Variants in HYI observed in about 807,000 individuals in gnomAD.
HYI encodes the protein hydroxypyruvate isomerase (putative).
Under a neutral mutation model 39.7 loss-of-function variants are expected in HYI, and 47 were observed. That is an observed-to-expected ratio of 1.18 (90% CI 0.94 to 1.51). HYI has a LOEUF of 1.51. Ranked by LOEUF, HYI falls within the 40% of genes most tolerant of loss-of-function variation. The pLI is 0.00. For synonymous variants in HYI, 186 were observed against 158.8 expected (o/e 1.17, Z -1.29); for missense variants, 465 against 370.3 (o/e 1.26, Z -2.10).
chr1:43,453,068 G>A (rs1445092090), intron 2 of HYI: 1 of 956,890 alleles, frequency 1.0e-6, no homozygotes, highest in Non-Finnish European at 1.7e-6. Context: ...AGGGTTAGGT[G>A]CCTACCCTGC....
intron 3 of HYI, 67 bp from the exon 4 acceptor site, chr1:43,452,080 G>A: frequency 6.5e-7 from 1 of 1,538,940 alleles, no homozygotes; most frequent in Non-Finnish European, 8.9e-7. Flanking sequence ...GTCAGTCACT[G>A]GTCAAGGCCC....
rs753698786 is a variant in HYI at position 43,453,748 on chromosome 1, C to T, written c.46G>A (p.Glu16Lys). Residue 16 changes from glutamate (E) to lysine (K), a missense_variant, in exon 1 of 8, where the codon GAG (glutamate) becomes AAG (lysine). By Grantham distance (56) the Glu-to-Lys change is moderately conservative (BLOSUM62 1). Transcript: ENST00000372430. Reference sequence around the variant, plus strand: ...ACCCGCGCGGGGAGGCCGGAGAGCTCGGGGAATAGCCAGGACAGATTGGCG... The same window carrying T: ...ACCCGCGCGGGGAGGCCGGAGAGCTTGGGGAATAGCCAGGACAGATTGGCG... ...FSANLSWLFPELSGLPARVRA... is the reference protein window; with the variant it reads ...FSANLSWLFPKLSGLPARVRA... The T allele has an allele frequency of 1.4e-6, 2 of 1,381,798 alleles. No individual in the cohort carries two copies. Among genetic ancestry groups the T allele is most frequent in the Non-Finnish European group, 9.3e-7 (1 of 1,079,806 alleles). The allele number at this position is 1,381,798 out of a possible 1,614,324, so 85.6% of individuals were successfully genotyped here.
In HYI at chr1:43,451,096, G is replaced by T; in HGVS notation, c.*142C>A. The T allele has an allele frequency of 1.1e-6, 1 of 887,152 alleles. No homozygotes were observed. The highest frequency in any genetic ancestry group is 1.9e-6 in the Non-Finnish European group (1 of 530,238). 55.0% of individuals were successfully genotyped at this position (887,152 alleles called of 1,614,324 possible). A position where few individuals can be genotyped will look rare whatever the true frequency, so the allele number is the denominator to read the frequency against. On this transcript the variant is annotated 3_prime_UTR_variant, in exon 8 of 8. Coordinates refer to ENST00000372430, the MANE Select transcript of HYI (RefSeq NM_001190880.3). ...GCTTCTCAATGGGAGGGAAGCAGCA[G>T]AGAAACTGAAGTGTTAGACACTATG...
Position 43,453,434 on chromosome 1 carries a change from T to G in HYI, c.263A>C (p.Glu88Ala). Reference sequence around the variant, plus strand: ...ATACCGCACGGCCTGCTCCAGTCCCTCTCGGAAGGCCGCCTGTCTCCCGGG... The same window carrying G: ...ATACCGCACGGCCTGCTCCAGTCCCGCTCGGAAGGCCGCCTGTCTCCCGGG... ...AVPGRQAAFR[E>A]GLEQAVRYAK... The change falls in exon 2 of 8, where the codon GAG becomes GCG. Residue 88 changes from glutamate (E) to alanine (A), a missense_variant. By Grantham distance (107) the Glu-to-Ala change is moderately radical. Transcript: ENST00000372430. The G allele has an allele frequency of 6.4e-7, 1 of 1,562,822 alleles. No homozygotes were observed. Among genetic ancestry groups the G allele is most frequent in the Non-Finnish European group, 8.7e-7 (1 of 1,152,616 alleles).
At chr1:43,452,899 A>G (rs1218524631) in intron 2 of HYI, 2 of 1,597,560 alleles carry the variant, frequency 1.3e-6, no homozygotes, top group Non-Finnish European at 1.7e-6. Flanking sequence ...AACAGGCTAC[A>G]TACATGTCCA....
Position 43,453,900 on chromosome 1 carries a change from A to G in HYI, c.-107T>C. On this transcript the variant is annotated 5_prime_UTR_variant, in exon 1 of 8. Transcript: ENST00000372430. The stretch of plus-strand genomic sequence containing the variant: ...GCTCTCCTTGCTGGCCCTGCGAACG[A>G]ACGAGCACTGTTCGTGGTTAGAAAA... The G allele has an allele frequency of 4.1e-6, 5 of 1,216,792 alleles. No individual in the cohort carries two copies. In the African/African-American group the frequency reaches 7.9e-5, roughly 19 times the overall value. The allele number at this position is 1,216,792 out of a possible 1,614,324, so 75.4% of individuals were successfully genotyped here.
At chr1:43,452,174 G>A in intron 3 of HYI, 31 bp downstream of exon 3, 1 of 1,563,740 alleles carries the variant, frequency 6.4e-7, no homozygotes, top group East Asian at 2.3e-5. Context: ...ACAGAGACAT[G>A]TAAGTACGTG....
In HYI at chr1:43,453,559, CCCCAGCCCT is replaced by C. The variant is rs745737962; in HGVS notation, c.199+27_199+35del. On this transcript the variant is annotated intron_variant, in intron 1 of 7. Transcript: ENST00000372430. Reference sequence around the variant, plus strand: ...ACTCCCCTGCCCGCGCCCCGGCACCCCCCAGCCCTCCCAGCCCTCCCGGCCCGCGACGCA... The same window carrying C: ...ACTCCCCTGCCCGCGCCCCGGCACCCCCCAGCCCTCCCGGCCCGCGACGCA... 2.4e-4 allele frequency: 372 copies of C among 1,519,598 alleles called. 1 individual carries two copies. The highest frequency in any genetic ancestry group is 9.1e-4 in the South Asian group (72 of 79,148). The allele number at this position is 1,519,598 out of a possible 1,614,324, so 94.1% of individuals were successfully genotyped here.
At chr1:43,450,678 C>T (rs1656287975), downstream of HYI, 3 of 797,178 alleles carry the variant, frequency 3.8e-6, no homozygotes, top group Non-Finnish European at 6.0e-6. This position sits in a 1 kb window ranked among gnomAD's most constrained non-coding sequence, Gnocchi z 4.3. Flanking sequence ...CAAACACCCA[C>T]AGCCACTGAC....
rs1204028693 is a variant in HYI at position 43,453,715 on chromosome 1, C to A, written c.79G>T (p.Ala27Ser). 1 of 1,398,524 alleles carries A rather than the reference C, an allele frequency of 7.2e-7. No individual in the cohort carries two copies. The highest frequency in any genetic ancestry group is 9.2e-7 in the Non-Finnish European group (1 of 1,087,018). 86.6% of individuals were successfully genotyped at this position (1,398,524 alleles called of 1,614,324 possible). Residue 27 changes from alanine (A) to serine (S), a missense_variant, in exon 1 of 8, where the codon GCG becomes TCG. By Grantham distance (99) the Ala-to-Ser change is moderately conservative. Coordinates refer to ENST00000372430, the MANE Select transcript of HYI (RefSeq NM_001190880.3). ...LSGLPARVRA[A>S]GSSGFEAVEV... ...ACGGCCTCGAAGCCCGAGCTGCCCG[C>A]GGCCCGCACCCGCGCGGGGAGGCCG...
Position 43,451,281 on chromosome 1 carries a change from C to CG in HYI, c.790dup (p.Arg264ProfsTer6). On this transcript the variant is annotated frameshift_variant, in exon 8 of 8. Transcript: ENST00000372430. LOFTEE classifies it high-confidence loss of function. Reference sequence around the variant, plus strand: ...GTGGCCCCGCCTATCCCAGTATGAACGTAGCCAACTCAAGCCCTCTACTGT... The same window carrying CG: ...GTGGCCCCGCCTATCCCAGTATGAACGGTAGCCAACTCAAGCCCTCTACTGT... 6.2e-7 allele frequency: 1 copy of CG among 1,614,098 alleles called. No homozygotes were observed. Among genetic ancestry groups the CG allele is most frequent in the Non-Finnish European group, 8.5e-7 (1 of 1,180,034 alleles).
chr1:43,451,610 G>A, intron 6 of HYI, 38 bp downstream of exon 6: 1 of 1,613,994 alleles, frequency 6.2e-7, no homozygotes, highest in East Asian at 2.2e-5. Flanking sequence ...CAGATGTGGG[G>A]ATTGAAAGGG....
At position 43,452,148 on chromosome 1, in the gene HYI, C is replaced by G. The variant is rs939505345; in HGVS notation, c.426+57G>C. On this transcript the variant is annotated intron_variant, in intron 3 of 7. Transcript: ENST00000372430. ...CACGTGCTGTCCCCACTGTGCACCC[C>G]CTTCTCCGCACACCCACAGAGACAT... is the stretch of plus-strand genomic sequence containing the variant. 7.9e-6 allele frequency: 12 copies of G among 1,515,778 alleles called. No homozygotes were observed. The Admixed American group carries it at 1.1e-4, about 14-fold the overall frequency. 93.9% of individuals were successfully genotyped at this position (1,515,778 alleles called of 1,614,324 possible).
In HYI at chr1:43,451,180, AGAG is replaced by A. The variant is rs903796248; in HGVS notation, c.*55_*57del. 4.1e-5 allele frequency: 60 copies of A among 1,461,888 alleles called. No homozygotes were observed. The highest frequency in any genetic ancestry group is 1.7e-4 in the Middle Eastern group (1 of 5,820). The allele number at this position is 1,461,888 out of a possible 1,614,324, so 90.6% of individuals were successfully genotyped here. A position where few individuals can be genotyped will look rare whatever the true frequency, so the allele number is the denominator to read the frequency against. On this transcript the variant is annotated 3_prime_UTR_variant, in exon 8 of 8. Coordinates refer to ENST00000372430, the MANE Select transcript of HYI (RefSeq NM_001190880.3). The stretch of plus-strand genomic sequence containing the variant: ...ATGTTCAGCAGGTCATCTTTAATGC[AGAG>A]GAGGAGATGGGATGTCACTCGCTGT...
At chr1:43,452,963 C>T (rs533495534) in intron 2 of HYI, 2 of 1,609,772 alleles carry the variant, frequency 1.2e-6, no homozygotes, top group East Asian at 2.2e-5. Flanking sequence ...AGCACCCTTG[C>T]AAGGAACACT....
chr1:43,452,156 G>A (rs746651940), intron 3 of HYI, 49 bp downstream of exon 3: 28 of 1,531,970 alleles, frequency 1.8e-5, no homozygotes, highest in African/African-American at 9.6e-5. Flanking sequence ...CCCCTTCTCC[G>A]CACACCCACA....
chr1:43,450,831 C>A (rs772852836), downstream of HYI: 3 of 709,348 alleles, frequency 4.2e-6, no homozygotes, highest in Admixed American at 3.5e-5. The surrounding 1 kb of genome is among the most constrained non-coding windows in gnomAD (Gnocchi z 4.3). Flanking sequence ...CTGAATCCTG[C>A]CCCCTAGCCT....
In HYI at chr1:43,451,795, TA is replaced by T; in HGVS notation, c.555+2del. 2 of 1,614,094 alleles carry T rather than the reference TA, an allele frequency of 1.2e-6. No individual in the cohort carries two copies. The highest frequency in any genetic ancestry group is 1.7e-6 in the Non-Finnish European group (2 of 1,179,992). On this transcript the variant is annotated splice_donor_variant, in intron 5 of 7. Coordinates refer to ENST00000372430, the MANE Select transcript of HYI (RefSeq NM_001190880.3). LOFTEE classifies it high-confidence loss of function. ...GATCTGCGAAGTACCCCCTTCCACT[TA>T]CCATTTGTAATTGGAGGTTGGGTCT... is the stretch of plus-strand genomic sequence containing the variant.
At chr1:43,453,112 A>G (rs1176524128) in intron 2 of HYI, 4 of 740,778 alleles carry the variant, frequency 5.4e-6, no homozygotes, top group Non-Finnish European at 7.2e-6. Context: ...CTGTCCTCAA[A>G]TGCATCACTG....
Sources: gnomAD v4.1 joint callset for allele counts on GRCh38, gnomAD v4.1.1 for gene constraint, Gnocchi (gnomAD v3.1) non-coding constraint, MANE v1.5 for transcripts, NCBI Gene and HGNC (gene_info 2026-07-23, HGNC 2026-07-21) for gene names.